STPG2: variants seen among roughly 807,000 people sequenced by gnomAD.
The protein encoded by STPG2 is sperm-tail PG-rich repeat-containing protein 2.
In STPG2, 56 loss-of-function variants were observed where a neutral mutation model predicts 54.2. The observed-to-expected ratio is 1.03, with a 90% confidence interval of 0.83 to 1.29. The LOEUF is 1.29. Among genes scored for constraint, STPG2 ranks in the 50% most tolerant of loss-of-function variants. The pLI is 0.00. For missense variants in STPG2, 596 were observed against 544.9 expected (o/e 1.09, Z -0.93); for synonymous variants, 200 against 181.8 (o/e 1.10, Z -0.81).
At chr4:98,021,874 A>T (rs1184892160) in intron 5 of STPG2, among the ~76,000 whole-genome samples, 1 of 151,658 alleles carries the variant, frequency 6.6e-6, no homozygotes, top group East Asian at 1.9e-4. Flanking sequence ...TGCTTGGTAG[A>T]TCTTCCTCCA....
intron 5 of STPG2, among the ~76,000 whole-genome samples, chr4:98,008,685 A>C (rs1735647836): frequency 6.6e-6 from 1 of 152,038 alleles, no homozygotes; most frequent in Non-Finnish European, 1.5e-5. Flanking sequence ...AAGACTCCAC[A>C]AAACAACTAG....
At chr4:97,854,999 G>A (rs911091122) in intron 8 of STPG2, among the ~76,000 whole-genome samples, 4 of 152,092 alleles carry the variant, frequency 2.6e-5, no homozygotes, top group Admixed American at 6.6e-5. Flanking sequence ...GAGAACATGC[G>A]ATATTTAGTT....
At chr4:98,117,304 T>A (rs972654223) in intron 3 of STPG2, among the ~76,000 whole-genome samples, 9 of 151,992 alleles carry the variant, frequency 5.9e-5, no homozygotes, top group Non-Finnish European at 1.3e-4. Context: ...TTTGGAGGAT[T>A]CCTTCTATAT....
chr4:97,694,563 C>T (rs1476469982), intron 10 of STPG2, among the ~76,000 whole-genome samples: 1 of 151,780 alleles, frequency 6.6e-6, no homozygotes, highest in Non-Finnish European at 1.5e-5. Context: ...AATCCCAGCA[C>T]TTTGGGAGGC....
At position 97,811,308 on chromosome 4, in the gene STPG2, C is replaced by T. The variant is rs962157725; in HGVS notation, c.1204+29465G>A. 3.9e-5 allele frequency among the ~76,000 whole-genome samples: 6 copies of T among 152,182 alleles called. No homozygotes were observed. In the Middle Eastern group the frequency reaches 0.014, roughly 345 times the overall value. ...GCCAGTGTTTAGTCTCAGAAAATGA[C>T]TGGTTGGCTCTGTATCTATATCAGA... On this transcript the variant is annotated intron_variant, in intron 9 of 10. Transcript: ENST00000295268.
chr4:97,707,618 G>A (rs1390327691), intron 10 of STPG2, among the ~76,000 whole-genome samples: 1 of 152,110 alleles, frequency 6.6e-6, no homozygotes, highest in Admixed American at 6.6e-5. Context: ...AGTTACCTAT[G>A]AGAGTATGAG....
At chr4:97,578,635 TAGC>T (rs1161948387) in intron 10 of STPG2, among the ~76,000 whole-genome samples, 1 of 151,224 alleles carries the variant, frequency 6.6e-6, no homozygotes, top group African/African-American at 2.4e-5. Context: ...GGCATGAACA[TAGC>T]AGAGAGAAAA....
intron 9 of STPG2, among the ~76,000 whole-genome samples, chr4:97,816,762 C>T (rs1342257106): frequency 6.7e-6 from 1 of 149,414 alleles, no homozygotes; most frequent in Non-Finnish European, 1.5e-5. Context: ...CTTTCTTTTT[C>T]TTTTCTTTTC....
At chr4:97,633,017 G>T (rs1246973382) in intron 10 of STPG2, among the ~76,000 whole-genome samples, 1 of 152,014 alleles carries the variant, frequency 6.6e-6, no homozygotes, top group Non-Finnish European at 1.5e-5. Flanking sequence ...TAGATAGACA[G>T]AGATAGATAT....
intron 8 of STPG2, among the ~76,000 whole-genome samples, chr4:97,919,690 AT>A (rs1321617087): frequency 5.3e-5 from 8 of 152,136 alleles, no homozygotes; most frequent in Non-Finnish European, 1.0e-4. Flanking sequence ...ACGGAGAAAA[AT>A]CTAAGGTCCA....
chr4:97,729,098 A>C (rs1174316135), intron 9 of STPG2, among the ~76,000 whole-genome samples: 4 of 56,362 alleles, frequency 7.1e-5, no homozygotes, highest in Admixed American at 2.5e-4. Flanking sequence ...TCTCTCTCTC[A>C]GGGCTCACTG....
chr4:97,475,265 G>T (rs1240704855), intron 4 of STPG2, among the ~76,000 whole-genome samples: 2 of 151,560 alleles, frequency 1.3e-5, no homozygotes, highest in African/African-American at 2.4e-5. Context: ...GTATATAATT[G>T]TTTTGATTAA....
At position 97,975,530 on chromosome 4, in the gene STPG2, C is replaced by T. The variant is rs190483564; in HGVS notation, c.773-3090G>A. Among the ~76,000 whole-genome samples the T allele has an allele frequency of 4.3e-3, 660 of 152,196 alleles. 3 individuals are homozygous for T. The highest frequency in any genetic ancestry group is 0.024 in the South Asian group (116 of 4,826). ...CATATATTTTTCATTTAAAATAATACAACTTTCTATGCTGTTCAAAAGTTT... is the reference window on the plus strand; with the variant it reads ...CATATATTTTTCATTTAAAATAATATAACTTTCTATGCTGTTCAAAAGTTT... On this transcript the variant is annotated intron_variant, in intron 6 of 10. Coordinates refer to ENST00000295268, the MANE Select transcript of STPG2 (RefSeq NM_174952.3).
chr4:97,808,287 T>A (rs1727632900), intron 9 of STPG2, among the ~76,000 whole-genome samples: 1 of 151,792 alleles, frequency 6.6e-6, no homozygotes, highest in Non-Finnish European at 1.5e-5. Flanking sequence ...AAGGTATAAA[T>A]AAATCAAAAT....
At chr4:97,911,134 G>C (rs948098446) in intron 8 of STPG2, among the ~76,000 whole-genome samples, 2 of 152,248 alleles carry the variant, frequency 1.3e-5, no homozygotes, top group African/African-American at 4.8e-5. Context: ...TTTTCCCACA[G>C]ATCTTTGCAA....
chr4:97,628,276 G>A (rs576007004), intron 10 of STPG2, among the ~76,000 whole-genome samples: 28 of 152,158 alleles, frequency 1.8e-4, no homozygotes, highest in East Asian at 3.9e-4. Context: ...GTAAGACATC[G>A]TAACATCTCC....
At chr4:97,877,525 C>A (rs1005284530) in intron 8 of STPG2, among the ~76,000 whole-genome samples, 1 of 152,162 alleles carries the variant, frequency 6.6e-6, no homozygotes, top group African/African-American at 2.4e-5. Flanking sequence ...GCATGTCTTA[C>A]ATGGTGGCAG....
intron 7 of STPG2, among the ~76,000 whole-genome samples, chr4:97,952,364 C>T (rs188486765): frequency 7.2e-4 from 110 of 152,270 alleles, no homozygotes; most frequent in African/African-American, 2.3e-3. Context: ...CCCTGCTGAA[C>T]CCAGTACTGC....
At chr4:97,591,708 T>C (rs1051075592) in intron 10 of STPG2, among the ~76,000 whole-genome samples, 1 of 152,170 alleles carries the variant, frequency 6.6e-6, no homozygotes, top group Admixed American at 6.5e-5. Flanking sequence ...TTTCTCTTCT[T>C]GCATCAATAT....
Sources: gnomAD v4.1 joint callset for allele counts (sites outside exome capture counted in the v4.1 genomes callset) on GRCh38, gnomAD v4.1.1 for gene constraint, MANE v1.5 for transcripts, NCBI Gene and HGNC (gene_info 2026-07-23, HGNC 2026-07-21) for gene names.